Variants in ADARB2 observed in about 807,000 individuals in gnomAD.
ADARB2 encodes the protein adenosine deaminase RNA specific B2 (inactive), also known as inactive double-stranded RNA-specific editase B2.
ADARB2 carries 25 observed loss-of-function variants against 62.2 expected under a neutral mutation model. The ratio of observed to expected loss-of-function variants is 0.40; its 90% CI spans 0.29 to 0.56. The LOEUF (loss-of-function observed/expected upper bound fraction) is 0.56, where lower values mean the gene tolerates loss of function less well. Ranked by LOEUF, ADARB2 falls within the 20% of genes least tolerant of loss-of-function variation. The pLI is 0.43. For synonymous variants in ADARB2, 572 were observed against 500.8 expected (o/e 1.14, Z -1.90); for missense variants, 1,071 against 1,077.4 (o/e 0.99, Z 0.08).
chr10:1,383,184 C>T (rs1021985267), intron 1 of ADARB2, among the ~76,000 whole-genome samples: 5 of 152,146 alleles, frequency 3.3e-5, no homozygotes, highest in East Asian at 1.9e-4. Context: ...CCTGGAACCA[C>T]GTGCAGCCAT....
intron 3 of ADARB2, among the ~76,000 whole-genome samples, chr10:1,304,826 A>G (rs1159971190): frequency 6.7e-6 from 1 of 149,594 alleles, no homozygotes; most frequent in African/African-American, 2.5e-5. Flanking sequence ...CTTTGAAACC[A>G]ATGAGAACAA....
chr10:1,730,658 G>A (rs982557453), intron 1 of ADARB2, among the ~76,000 whole-genome samples: 3 of 139,470 alleles, frequency 2.2e-5, no homozygotes, highest in Non-Finnish European at 4.8e-5. Context: ...AAGCACACAT[G>A]TTACTCTTCT....
chr10:1,454,483 T>C (rs1466224382), intron 1 of ADARB2, among the ~76,000 whole-genome samples: 3 of 152,188 alleles, frequency 2.0e-5, no homozygotes, highest in Admixed American at 6.5e-5. Flanking sequence ...ATGTGGAATA[T>C]CTACTATTCA....
At chr10:1,266,846 G>A (rs1231668242) in intron 4 of ADARB2, among the ~76,000 whole-genome samples, 1 of 152,102 alleles carries the variant, frequency 6.6e-6, no homozygotes, top group Non-Finnish European at 1.5e-5. Flanking sequence ...AAGGAAGAAT[G>A]GAGGATAAGG....
In ADARB2 at chr10:1,255,296, T is replaced by C. The variant is rs1407430261; in HGVS notation, c.1193-12997A>G. ...ATTCACATGTTGCTCTGACAGGAAA[T>C]GAGGCAATCACTGGCCCTGGGTGCC... On this transcript the variant is annotated intron_variant, in intron 4 of 9. Transcript: ENST00000381312. This position sits in a 1 kb window ranked among gnomAD's most constrained non-coding sequence, Gnocchi z 4.7. 1.3e-5 allele frequency among the ~76,000 whole-genome samples: 2 copies of C among 152,244 alleles called. No individual in the cohort carries two copies. The highest frequency in any genetic ancestry group is 2.9e-5 in the Non-Finnish European group (2 of 68,042).
intron 3 of ADARB2, among the ~76,000 whole-genome samples, chr10:1,277,263 G>C (rs1831326371): frequency 6.6e-6 from 1 of 152,104 alleles, no homozygotes; most frequent in Non-Finnish European, 1.5e-5. Flanking sequence ...GATCAGAGCA[G>C]AACTGAAGGA....
intron 7 of ADARB2, among the ~76,000 whole-genome samples, chr10:1,203,357 G>T (rs1039085051): frequency 6.6e-6 from 1 of 152,130 alleles, no homozygotes; most frequent in Non-Finnish European, 1.5e-5. Flanking sequence ...GTGGGTTGAC[G>T]ACACCTCAGG....
intron 1 of ADARB2, among the ~76,000 whole-genome samples, chr10:1,584,523 C>G (rs539789429): frequency 6.6e-6 from 1 of 152,308 alleles, no homozygotes; most frequent in Admixed American, 6.5e-5. Flanking sequence ...CTGTGGATGA[C>G]AGTTCCATGG....
intron 1 of ADARB2, among the ~76,000 whole-genome samples, chr10:1,461,129 C>T (rs1312139210): frequency 6.6e-6 from 1 of 152,210 alleles, no homozygotes; most frequent in East Asian, 1.9e-4. Context: ...ACGCCAGGGA[C>T]AGCAACAGAA....
intron 3 of ADARB2, among the ~76,000 whole-genome samples, chr10:1,296,011 G>T (rs961977952): frequency 6.6e-6 from 1 of 152,212 alleles, no homozygotes; most frequent in Non-Finnish European, 1.5e-5. Context: ...TGTGCAGCTT[G>T]GCTTCCAGCT....
chr10:1,403,168 GTTTT>G (rs1832679747), intron 1 of ADARB2, among the ~76,000 whole-genome samples: 1 of 152,230 alleles, frequency 6.6e-6, no homozygotes, highest in East Asian at 1.9e-4. Flanking sequence ...TGCTCAACTC[GTTTT>G]TTCTTTTCTG....
chr10:1,409,680 G>A (rs187373564), intron 1 of ADARB2, among the ~76,000 whole-genome samples: 48 of 125,242 alleles, frequency 3.8e-4, no homozygotes, highest in Non-Finnish European at 5.8e-4. Context: ...CACGGTCATG[G>A]GGAAGGATTC....
chr10:1,707,950 T>A (rs1834910134), intron 1 of ADARB2, among the ~76,000 whole-genome samples: 2 of 152,142 alleles, frequency 1.3e-5, no homozygotes, highest in South Asian at 4.1e-4. Flanking sequence ...TTTTTTCTCA[T>A]CATGAAAAAT....
chr10:1,470,158 C>G (rs1831302914), intron 1 of ADARB2, among the ~76,000 whole-genome samples: 1 of 121,480 alleles, frequency 8.2e-6, no homozygotes, highest in African/African-American at 2.6e-5. Context: ...CCTTCCTAGC[C>G]ATGGTCCTGG....
chr10:1,383,757 C>T (rs1271151011), intron 1 of ADARB2, among the ~76,000 whole-genome samples: 2 of 152,200 alleles, frequency 1.3e-5, no homozygotes, highest in Non-Finnish European at 2.9e-5. Flanking sequence ...AGCGGATGTG[C>T]CCAGGACTAT....
intron 1 of ADARB2, among the ~76,000 whole-genome samples, chr10:1,717,022 G>A (rs1835026920): frequency 6.6e-6 from 1 of 151,828 alleles, no homozygotes; most frequent in Admixed American, 6.6e-5. Context: ...TTCTGATCAC[G>A]TTATTCTGAT....
chr10:1,296,002 G>C lies in ADARB2; in HGVS notation c.1078-24933C>G, dbSNP rs368081028. 3.9e-5 allele frequency among the ~76,000 whole-genome samples: 6 copies of C among 152,214 alleles called. No individual in the cohort carries two copies. In the East Asian group the frequency reaches 5.8e-4, roughly 15 times the overall value. On this transcript the variant is annotated intron_variant, in intron 3 of 9. Coordinates refer to ENST00000381312, the MANE Select transcript of ADARB2 (RefSeq NM_018702.4). ...GGGGTGGGGTGATATTGACTGGCCT[G>C]TGCAGCTTGGCTTCCAGCTGTGCTG...
At chr10:1,336,284 T>C (rs999054916) in intron 3 of ADARB2, among the ~76,000 whole-genome samples, 3 of 152,244 alleles carry the variant, frequency 2.0e-5, no homozygotes, top group Non-Finnish European at 4.4e-5. Flanking sequence ...AATTATCTTG[T>C]TATTGTGTGG....
chr10:1,444,281 ACATCCATC>A (rs200737452), intron 1 of ADARB2, among the ~76,000 whole-genome samples: 61 of 117,672 alleles, frequency 5.2e-4, no homozygotes, highest in African/African-American at 2.5e-3. Context: ...CCATCTATCT[ACATCCATC>A]CATCCATCCA....
Sources: gnomAD v4.1 joint callset for allele counts (sites outside exome capture counted in the v4.1 genomes callset) on GRCh38, gnomAD v4.1.1 for gene constraint, Gnocchi (gnomAD v3.1) non-coding constraint, MANE v1.5 for transcripts, NCBI Gene and HGNC (gene_info 2026-07-23, HGNC 2026-07-21) for gene names.